GALNT13: variants seen among roughly 807,000 people sequenced by gnomAD.
The protein encoded by GALNT13 is UDP-GalNAc:polypeptide N-acetylgalactosaminyltransferase 13.
Under a neutral mutation model 64.2 loss-of-function variants are expected in GALNT13, and 28 were observed. The ratio of observed to expected loss-of-function variants is 0.44; its 90% confidence interval spans 0.32 to 0.60. The LOEUF (loss-of-function observed/expected upper bound fraction) is 0.60, where lower values mean the gene tolerates loss of function less well. Among genes scored for constraint, GALNT13 ranks in the 20% least tolerant of loss-of-function variants. GALNT13 has a pLI of 0.05. For synonymous variants in GALNT13, 214 were observed against 224.6 expected, an observed-to-expected ratio of 0.95 and a Z score of 0.42; for missense variants, 577 against 669.8, an observed-to-expected ratio of 0.86 and a Z score of 1.53.
intron 4 of GALNT13, among the ~76,000 whole-genome samples, chr2:154,237,143 A>G (rs1287991810): frequency 6.6e-6 from 1 of 151,898 alleles, no homozygotes; most frequent in Non-Finnish European, 1.5e-5. Flanking sequence ...TATTCTGTGA[A>G]ATGAAACTTT....
At chr2:153,896,504 CTG>C (rs1342975290) in intron 1 of GALNT13, among the ~76,000 whole-genome samples, 1 of 151,740 alleles carries the variant, frequency 6.6e-6, no homozygotes, top group African/African-American at 2.4e-5. Context: ...AGCTATCACT[CTG>C]GATTTCTCAC....
intron 8 of GALNT13, among the ~76,000 whole-genome samples, chr2:154,293,719 C>G (rs1223147121): frequency 4.6e-5 from 7 of 152,088 alleles, no homozygotes; most frequent in Non-Finnish European, 1.0e-4. Flanking sequence ...TTCTTAATGA[C>G]TGGGTCATAA....
At chr2:153,741,081 CCTT>C in the GALNT13 span, among the ~76,000 whole-genome samples, 1 of 152,116 alleles carries the variant, frequency 6.6e-6, no homozygotes, top group Non-Finnish European at 1.5e-5. Context: ...ATGCAAGTAT[CCTT>C]CTTATTTCTC....
chr2:153,808,958 G>T, the GALNT13 span, among the ~76,000 whole-genome samples: 48 of 152,298 alleles, frequency 3.2e-4, no homozygotes, highest in Admixed American at 1.0e-3. Flanking sequence ...TAGAGAAAAA[G>T]CACAACCACA....
the GALNT13 span, chr2:153,159,374 C>G: frequency 1.3e-5 from 2 of 152,324 alleles, no homozygotes; most frequent in East Asian, 1.9e-4. Flanking sequence ...TTCCATCAAA[C>G]AAATCCAGGA....
intron 4 of GALNT13, among the ~76,000 whole-genome samples, chr2:154,169,848 A>G (rs903155411): frequency 2.0e-5 from 3 of 152,006 alleles, no homozygotes; most frequent in Non-Finnish European, 4.4e-5. Flanking sequence ...TAAATCCATA[A>G]AAAGAAATTG....
intron 4 of GALNT13, among the ~76,000 whole-genome samples, chr2:154,145,066 C>CTATCTA (rs1220886938): frequency 9.6e-6 from 1 of 104,674 alleles, no homozygotes. Flanking sequence ...CTCTCTCTCT[C>CTATCTA]TCTCTCTATC....
chr2:153,591,195 A>C, the GALNT13 span, among the ~76,000 whole-genome samples: 1 of 152,216 alleles, frequency 6.6e-6, no homozygotes, highest in South Asian at 2.1e-4. Flanking sequence ...AGATCAAGAA[A>C]TCAATCACAT....
the GALNT13 span, among the ~76,000 whole-genome samples, chr2:153,160,355 A>G: frequency 3.3e-5 from 5 of 152,182 alleles, no homozygotes; most frequent in Non-Finnish European, 5.9e-5. Flanking sequence ...GGAAAGGCAT[A>G]CTCTATTTCA....
At chr2:154,185,406 G>A (rs1366567207) in intron 4 of GALNT13, among the ~76,000 whole-genome samples, 1 of 151,930 alleles carries the variant, frequency 6.6e-6, no homozygotes, top group East Asian at 1.9e-4. Flanking sequence ...TATTTGAAAC[G>A]TTTTTTGTCA....
chr2:153,354,587 C>T, the GALNT13 span, among the ~76,000 whole-genome samples: 5 of 152,084 alleles, frequency 3.3e-5, no homozygotes, highest in African/African-American at 7.2e-5. Context: ...GCTACATGAC[C>T]ATAACTGATA....
intron 2 of GALNT13, among the ~76,000 whole-genome samples, chr2:153,909,718 A>G (rs540859135): frequency 6.6e-6 from 1 of 152,130 alleles, no homozygotes; most frequent in South Asian, 2.1e-4. Flanking sequence ...CTGTTTTTGT[A>G]ATGAATTACA....
intron 7 of GALNT13, 120 bp from the exon 8 acceptor site, chr2:154,258,901 G>A: frequency 1.7e-6 from 1 of 580,676 alleles, no homozygotes; most frequent in Non-Finnish European, 3.1e-6. Context: ...TTGACTTTGT[G>A]TTTTTAGTTT....
chr2:153,275,200 T>G, the GALNT13 span, among the ~76,000 whole-genome samples: 1 of 152,118 alleles, frequency 6.6e-6, no homozygotes, highest in African/African-American at 2.4e-5. Context: ...AACACACATT[T>G]AGTTTAGTGA....
chr2:153,853,642 G>A, the GALNT13 span, among the ~76,000 whole-genome samples: 2 of 150,644 alleles, frequency 1.3e-5, no homozygotes, highest in African/African-American at 4.9e-5. Context: ...AAAATAGGTT[G>A]GACAAAAGTA....
the GALNT13 span, among the ~76,000 whole-genome samples, chr2:153,587,985 G>A: frequency 1.3e-5 from 2 of 152,236 alleles, no homozygotes; most frequent in African/African-American, 2.4e-5. Context: ...CAGGCCCCAT[G>A]CAAGTCTGAA....
chr2:154,110,336 TAGAGAGAGAG>T (rs1190684961), intron 3 of GALNT13, among the ~76,000 whole-genome samples: 21 of 9,926 alleles, frequency 2.1e-3, no homozygotes, highest in South Asian at 5.2e-3. Context: ...TATATATATA[TAGAGAGAGAG>T]AGAGAGAGAG....
At chr2:153,515,386 C>A in the GALNT13 span, among the ~76,000 whole-genome samples, 2 of 152,154 alleles carry the variant, frequency 1.3e-5, no homozygotes, top group Admixed American at 6.5e-5. Flanking sequence ...CTTTCAAGTC[C>A]CTTTGCTCTG....
the GALNT13 span, among the ~76,000 whole-genome samples, chr2:153,196,021 G>A: frequency 6.6e-6 from 1 of 152,156 alleles, no homozygotes; most frequent in Non-Finnish European, 1.5e-5. Context: ...CATCTGTTTA[G>A]CTCTGGCTGA....
Sources: gnomAD v4.1 joint callset for allele counts (sites outside exome capture counted in the v4.1 genomes callset) on GRCh38, gnomAD v4.1.1 for gene constraint, MANE v1.5 for transcripts, NCBI Gene and HGNC (gene_info 2026-07-23, HGNC 2026-07-21) for gene names.